The following CARNMT1 variants were observed in gnomAD, a reference collection of about 807,000 sequenced individuals.
The protein encoded by CARNMT1 is carnosine N-methyltransferase 1.
Under a neutral mutation model 49.6 loss-of-function variants are expected in CARNMT1, and 28 were observed. The ratio of observed to expected loss-of-function variants is 0.56; its 90% CI spans 0.42 to 0.77. CARNMT1 has a LOEUF of 0.77. CARNMT1 is among the 30% of genes least tolerant of loss of function. CARNMT1 has a pLI of 0.00. For missense variants in CARNMT1, 421 were observed against 512.6 expected (o/e 0.82, Z 1.73); for synonymous variants, 178 against 175.0 (o/e 1.02, Z -0.13).
At chr9:75,003,554 T>C (rs185640240) in intron 3 of CARNMT1, among the ~76,000 whole-genome samples, 31 of 152,372 alleles carry the variant, frequency 2.0e-4, no homozygotes, top group Admixed American at 5.2e-4. Context: ...AAGAAAACAT[T>C]TGCCAACCCC....
chr9:75,022,207 G>T (rs1299775563), intron 1 of CARNMT1, among the ~76,000 whole-genome samples: 1 of 142,776 alleles, frequency 7.0e-6, no homozygotes, highest in Non-Finnish European at 1.5e-5. Flanking sequence ...CAGGTGAGAA[G>T]GAATACTTTT....
intron 6 of CARNMT1, among the ~76,000 whole-genome samples, chr9:74,990,120 T>C (rs1832968655): frequency 6.6e-6 from 1 of 152,118 alleles, no homozygotes; most frequent in Admixed American, 6.5e-5. Context: ...GCTAAACCTA[T>C]GATTGGTGAG....
intron 3 of CARNMT1, among the ~76,000 whole-genome samples, chr9:75,008,575 G>C (rs765130464): frequency 3.3e-5 from 5 of 152,174 alleles, no homozygotes; most frequent in Non-Finnish European, 5.9e-5. Context: ...CAAAGTGCTG[G>C]GATTACAGGC....
intron 3 of CARNMT1, among the ~76,000 whole-genome samples, chr9:75,008,906 T>C (rs1413379482): frequency 6.6e-6 from 1 of 152,126 alleles, no homozygotes; most frequent in Non-Finnish European, 1.5e-5. Context: ...GACTTTGAAA[T>C]TTATAAAACT....
intron 3 of CARNMT1, among the ~76,000 whole-genome samples, chr9:75,008,354 C>T (rs1163856898): frequency 6.6e-6 from 1 of 152,096 alleles, no homozygotes; most frequent in South Asian, 2.1e-4. Flanking sequence ...TTTCTTGAGA[C>T]GGAGTCTCAC....
chr9:75,018,489 T>C (rs936945309), intron 1 of CARNMT1, among the ~76,000 whole-genome samples: 1 of 152,170 alleles, frequency 6.6e-6, no homozygotes, highest in African/African-American at 2.4e-5. Context: ...TATGGTGTAA[T>C]TAGGACATTT....
chr9:75,025,004 C>A (rs1024264206), intron 1 of CARNMT1, among the ~76,000 whole-genome samples: 3 of 152,144 alleles, frequency 2.0e-5, no homozygotes, highest in Admixed American at 6.5e-5. Context: ...AGGGAAAATA[C>A]ATTTACACTA....
intron 1 of CARNMT1, among the ~76,000 whole-genome samples, chr9:75,024,325 G>C (rs1822463355): frequency 6.6e-6 from 1 of 152,084 alleles, no homozygotes; most frequent in Admixed American, 6.5e-5. Flanking sequence ...TTGGATTTTA[G>C]GTCAGATTCT....
chr9:74,983,656 G>T lies in CARNMT1; in HGVS notation c.*111C>A. ...TCTAAATTTCGTTAGGAATAAGAAG[G>T]CACCACTGATTTGAGGTTGTGTCCT... On this transcript the variant is annotated 3_prime_UTR_variant, in exon 8 of 8. Transcript: ENST00000376834. 1 of 579,514 alleles carries T rather than the reference G, an allele frequency of 1.7e-6. No homozygotes were observed. 35.9% of individuals were successfully genotyped at this position (579,514 alleles called of 1,614,324 possible).
chr9:74,992,371 T>C (rs1209046935), intron 6 of CARNMT1, among the ~76,000 whole-genome samples: 1 of 152,218 alleles, frequency 6.6e-6, no homozygotes, highest in East Asian at 1.9e-4. Context: ...TTTGGTACTT[T>C]TACCAGATGT....
intron 1 of CARNMT1, among the ~76,000 whole-genome samples, chr9:75,026,897 C>G (rs1174058549): frequency 6.6e-6 from 1 of 152,168 alleles, no homozygotes; most frequent in Non-Finnish European, 1.5e-5. Flanking sequence ...ATGCCAAGCA[C>G]TAGTGACATA....
chr9:74,995,833 C>T (rs1428649628), intron 6 of CARNMT1, among the ~76,000 whole-genome samples: 2 of 152,008 alleles, frequency 1.3e-5, no homozygotes, highest in African/African-American at 2.4e-5. Flanking sequence ...CATTATACCC[C>T]CTTTATTTTA....
Position 75,016,604 on chromosome 9 carries a change from G to A in CARNMT1, c.427-173C>T, listed in dbSNP as rs983005209. 2.2e-4 allele frequency: 128 copies of A among 582,976 alleles called. 1 individual carries two copies. The highest frequency in any genetic ancestry group is 4.4e-4 in the Middle Eastern group (1 of 2,298). The allele number at this position is 582,976 out of a possible 1,614,324, so 36.1% of individuals were successfully genotyped here. A position where few individuals can be genotyped will look rare whatever the true frequency, so the allele number is the denominator to read the frequency against. On this transcript the variant is annotated intron_variant, in intron 2 of 7. Transcript: ENST00000376834. The stretch of plus-strand genomic sequence containing the variant: ...AGATCCTAAATGAAAAGAGTTTGGT[G>A]GTCTCACTGCTACCCTCAAAAGATT...
At chr9:75,017,987 C>T (rs1003112458) in intron 1 of CARNMT1, among the ~76,000 whole-genome samples, 5 of 152,074 alleles carry the variant, frequency 3.3e-5, no homozygotes, top group African/African-American at 7.2e-5. Context: ...ATTCCAAAAA[C>T]GAACCCAAAG....
At chr9:75,006,020 C>T (rs1833502065) in intron 3 of CARNMT1, among the ~76,000 whole-genome samples, 1 of 152,174 alleles carries the variant, frequency 6.6e-6, no homozygotes, top group South Asian at 2.1e-4. Flanking sequence ...CTAGAATCAA[C>T]CTGGATTCTG....
chr9:74,996,963 C>T (rs1222768111), intron 5 of CARNMT1, among the ~76,000 whole-genome samples: 1 of 152,192 alleles, frequency 6.6e-6, no homozygotes, highest in Non-Finnish European at 1.5e-5. Flanking sequence ...AGAAAGACTG[C>T]AGGCACCAGT....
At chr9:75,023,142 A>AC (rs1383962199) in intron 1 of CARNMT1, among the ~76,000 whole-genome samples, 1 of 151,434 alleles carries the variant, frequency 6.6e-6, no homozygotes, top group Non-Finnish European at 1.5e-5. Flanking sequence ...ACTCAAAAAA[A>AC]AAAAAAAAAA....
chr9:75,027,528 T>C, intron 1 of CARNMT1: 1 of 944,842 alleles, frequency 1.1e-6, no homozygotes, highest in Non-Finnish European at 1.3e-6. Context: ...AATCTTAAAC[T>C]GCTCTTACAA....
chr9:74,996,323 G>GTT, intron 6 of CARNMT1, 124 bp downstream of exon 6: 1 of 599,236 alleles, frequency 1.7e-6, no homozygotes, highest in Non-Finnish European at 2.9e-6. Context: ...AACTGTAGTG[G>GTT]TTTTAAAACA....
Sources: allele counts gnomAD v4.1 joint callset (sites outside exome capture counted in the v4.1 genomes callset), GRCh38; gene constraint gnomAD v4.1.1; transcripts MANE v1.5; gene names NCBI Gene and HGNC (gene_info 2026-07-23, HGNC 2026-07-21).